Variants in ZNF320 observed in about 807,000 individuals in gnomAD.
ZNF320 encodes the protein zinc finger protein 320.
A neutral mutation model predicts 6.8 loss-of-function variants in ZNF320; 2 were observed. That is an observed-to-expected ratio of 0.29 (90% CI 0.12 to 0.93). ZNF320 has a LOEUF of 0.93. Ranked by LOEUF, ZNF320 falls within the 40% of genes least tolerant of loss-of-function variation. The pLI is 0.55. For missense variants in ZNF320, 472 were observed against 611.0 expected (o/e 0.77, Z 2.40); for synonymous variants, 208 against 203.2 (o/e 1.02, Z -0.20).
In ZNF320 at chr19:52,880,730, G is replaced by A. The variant is rs1395750154; in HGVS notation, c.1396C>T (p.Gln466Ter). ...LIRHQRIHTGQKSYKCHQCGK... is the reference protein window; with the variant it reads ...LIRHQRIHTG ...CACTGATGACATTTGTAAGATTTCT[G>A]TCCAGTATGGATTCTCTGATGCCTA... The change falls in exon 6 of 6, where the codon CAG becomes TAG. Residue 466 changes from glutamine (Q) to a stop codon, truncating the protein, a stop_gained. Coordinates refer to ENST00000682928, the MANE Select transcript of ZNF320 (RefSeq NM_001351774.2). LOFTEE classifies it low-confidence loss of function (END_TRUNC). 1.9e-6 allele frequency: 3 copies of A among 1,613,686 alleles called. No homozygotes were observed. The Admixed American group carries it at 5.0e-5, about 27-fold the overall frequency.
rs183364787 is a variant in ZNF320, at chr19:52,867,412, G to T, written c.224-3253C>A. 6.0e-3 allele frequency among the ~76,000 whole-genome samples: 913 copies of T among 152,038 alleles called. 10 individuals are homozygous for T. The highest frequency in any genetic ancestry group is 0.021 in the African/African-American group (873 of 41,450). Reference sequence around the variant, plus strand: ...GGGGTTTCACCATGTTGGCCAGGCTGGTCTTGAACTCCTGACCTCATGATC... The same window carrying T: ...GGGGTTTCACCATGTTGGCCAGGCTTGTCTTGAACTCCTGACCTCATGATC... On this transcript the variant is annotated intron_variant, in intron 5 of 5. Transcript: ENST00000673631.
chr19:52,865,280 C>A (rs1600556502), intron 5 of ZNF320: 2 of 214,616 alleles, frequency 9.3e-6, no homozygotes, highest in East Asian at 2.7e-4. Context: ...TGAGATCGTG[C>A]TACTGGACTC....
chr19:52,883,372 A>T (rs1202496320), intron 5 of ZNF320, among the ~76,000 whole-genome samples: 1 of 152,152 alleles, frequency 6.6e-6, no homozygotes, highest in East Asian at 1.9e-4. Context: ...AGTTTGTGAC[A>T]TTAACGAAGG....
intron 1 of ZNF320, chr19:52,895,729 G>A (rs570315349): frequency 1.3e-5 from 2 of 152,078 alleles, no homozygotes; most frequent in Admixed American, 1.3e-4. Context: ...AGAAGAGCTT[G>A]AACCCAAAAG....
In ZNF320 at chr19:52,880,287, G is replaced by A. The variant is rs571472802; in HGVS notation, c.*309C>T. On this transcript the variant is annotated 3_prime_UTR_variant, in exon 6 of 6. Transcript: ENST00000682928. ...TGCATGAACCTGGGAGGTGAATGTT[G>A]CAGTGAACCGAGATCACATCACTGC... 1.4e-5 allele frequency: 3 copies of A among 222,124 alleles called. No individual in the cohort carries two copies. Among genetic ancestry groups the A allele is most frequent in the African/African-American group, 6.9e-5 (3 of 43,528 alleles). The allele number at this position is 222,124 out of a possible 1,614,324, so 13.8% of individuals were successfully genotyped here.
At chr19:52,865,339 T>C (rs755051077) in intron 5 of ZNF320, 7 of 313,938 alleles carry the variant, frequency 2.2e-5, no homozygotes, top group Non-Finnish European at 3.7e-5. Context: ...ATATATATGG[T>C]CTGGAGGGAC....
In ZNF320 at chr19:52,880,875, T is replaced by C. The variant is rs1331635097; in HGVS notation, c.1251A>G (p.Glu417=). Residue 417 remains glutamate (E), a synonymous_variant, in exon 6 of 6, where the codon GAA becomes GAG. Coordinates refer to ENST00000682928, the MANE Select transcript of ZNF320 (RefSeq NM_001351774.2). ...HTGEKLYECE[E]CDKVYIRKSH... ...ATTTGCGAATGTAAACTTTGTCACATTCTTCACATTCGTAAAGTTTCTCTC... is the reference window on the plus strand; with the variant it reads ...ATTTGCGAATGTAAACTTTGTCACACTCTTCACATTCGTAAAGTTTCTCTC... 1.2e-6 allele frequency: 2 copies of C among 1,613,880 alleles called. No homozygotes were observed. The highest frequency in any genetic ancestry group is 1.7e-6 in the Non-Finnish European group (2 of 1,179,882).
chr19:52,873,786 CA>C (rs1188895868), downstream of ZNF320, among the ~76,000 whole-genome samples: 1 of 152,154 alleles, frequency 6.6e-6, no homozygotes, highest in African/African-American at 2.4e-5. Context: ...GGACCATGCC[CA>C]GTGGAGCCTC....
intron 5 of ZNF320, among the ~76,000 whole-genome samples, chr19:52,887,136 C>T (rs2064117105): frequency 6.6e-6 from 1 of 152,118 alleles, no homozygotes; most frequent in Admixed American, 6.5e-5. Context: ...ACAGAATTCT[C>T]CCACTTGCAG....
chr19:52,883,100 G>A (rs1005777671), intron 5 of ZNF320, among the ~76,000 whole-genome samples: 1 of 151,902 alleles, frequency 6.6e-6, no homozygotes. Flanking sequence ...GGAGTGCAAT[G>A]GCATAATCTT....
chr19:52,864,199 C>T lies in ZNF320; in HGVS notation c.224-40G>A, dbSNP rs537030071. ...ACGTTTAAATAAAACATTATGGAGG[C>T]GTTATCACCTTCACACGAAATGAGA... On this transcript the variant is annotated intron_variant, in intron 5 of 5. Coordinates refer to the ZNF320 transcript ENST00000673631. The T allele has an allele frequency of 1.1e-4, 23 of 205,176 alleles. No individual in the cohort carries two copies. The East Asian group carries it at 2.4e-3, about 22-fold the overall frequency. The allele number at this position is 205,176 out of a possible 1,614,324, so 12.7% of individuals were successfully genotyped here.
Position 52,880,926 on chromosome 19 carries a change from G to A in ZNF320, c.1200C>T (p.Leu400=), listed in dbSNP as rs763008743. The A allele has an allele frequency of 3.7e-6, 6 of 1,613,090 alleles. No individual in the cohort carries two copies. The highest frequency in any genetic ancestry group is 3.3e-5 in the Admixed American group (2 of 59,962). The change falls in exon 6 of 6, where the codon CTC becomes CTT. Residue 400 remains leucine (L), a synonymous_variant. Transcript: ENST00000682928. The stretch of plus-strand genomic sequence containing the variant: ...CAGTATGAAGTTTTTGATGACATGC[G>A]AGGTACGCTTTTGTACTAAAAACCT... ...CGKVFSTKAY[L]ACHQKLHTGE...
intron 5 of ZNF320, among the ~76,000 whole-genome samples, chr19:52,885,699 G>A (rs8106209): frequency 0.67 from 102,297 of 151,600 alleles, 35,133 homozygotes; most frequent in African/African-American, 0.73. Context: ...CTGGGAAACA[G>A]GAGTGAAACT....
chr19:52,901,991 G>A (rs1039006015), upstream of ZNF320, among the ~76,000 whole-genome samples: 1 of 141,720 alleles, frequency 7.1e-6, no homozygotes. Flanking sequence ...GGGCTGACAT[G>A]AGTTTTTCTT....
At chr19:52,894,396 AAC>A (rs201737038) in intron 1 of ZNF320, among the ~76,000 whole-genome samples, 31,859 of 150,616 alleles carry the variant, frequency 0.21, 3,680 homozygotes, top group South Asian at 0.3. Flanking sequence ...AAAAAAAAAA[AAC>A]CAAAAAACAA....
At chr19:52,870,491 A>AAG (rs1555815541) in intron 5 of ZNF320, among the ~76,000 whole-genome samples, 2 of 151,278 alleles carry the variant, frequency 1.3e-5, no homozygotes. Context: ...AAAAAAAAAA[A>AAG]AAAAGAAAAA....
downstream of ZNF320, among the ~76,000 whole-genome samples, chr19:52,875,449 T>C (rs142554611): frequency 6.6e-6 from 1 of 152,326 alleles, no homozygotes; most frequent in East Asian, 1.9e-4. Flanking sequence ...TTCAAGATGA[T>C]TTGAGTCTAA....
In ZNF320 at chr19:52,887,090, C is replaced by T. The variant is rs146111102; in HGVS notation, c.142+1037G>A. Among the ~76,000 whole-genome samples the T allele has an allele frequency of 2.6e-3, 402 of 152,158 alleles. 2 individuals are homozygous for T. Among genetic ancestry groups the T allele is most frequent in the African/African-American group, 8.2e-3 (342 of 41,510 alleles). On this transcript the variant is annotated intron_variant, in intron 5 of 5. Coordinates refer to ENST00000682928, the MANE Select transcript of ZNF320 (RefSeq NM_001351774.2). The stretch of plus-strand genomic sequence containing the variant: ...TAAGTGAGGGCAAAGAAAGATGTCC[C>T]TTCAGAGATCTCAGGATTGAAACTT...
At position 52,878,116 on chromosome 19, in the gene ZNF320, A is replaced by G. The variant is rs73069469; in HGVS notation, c.*2480T>C. 10,304 of 210,350 alleles carry G rather than the reference A, an allele frequency of 0.049. 322 individuals are homozygous for G. Among genetic ancestry groups the G allele is most frequent in the Non-Finnish European group, 0.058 (5,689 of 98,162 alleles). 13.0% of individuals were successfully genotyped at this position (210,350 alleles called of 1,614,324 possible). A position where few individuals can be genotyped will look rare whatever the true frequency, so the allele number is the denominator to read the frequency against. On this transcript the variant is annotated 3_prime_UTR_variant, in exon 6 of 6. Coordinates refer to ENST00000682928, the MANE Select transcript of ZNF320 (RefSeq NM_001351774.2). The stretch of plus-strand genomic sequence containing the variant: ...GTGACTGAATCTTCAGACAGCATGA[A>G]TATGTGTGCCATCTCATATGCAATT...
Sources: gnomAD v4.1 joint callset for allele counts (sites outside exome capture counted in the v4.1 genomes callset) on GRCh38, gnomAD v4.1.1 for gene constraint, MANE v1.5 for transcripts, NCBI Gene and HGNC (gene_info 2026-07-23, HGNC 2026-07-21) for gene names.